Variants in SETX observed in about 807,000 individuals in gnomAD.
SETX encodes helicase senataxin.
SETX carries 90 observed loss-of-function variants against 227.2 expected under a neutral mutation model. The observed-to-expected ratio is 0.40, with a 90% CI of 0.33 to 0.47. The LOEUF is 0.47. SETX is among the 20% of genes least tolerant of loss of function. The pLI, the probability that SETX is intolerant of heterozygous loss-of-function variation, is 0.91. For synonymous variants in SETX, 1,210 were observed against 1,113.2 expected (o/e 1.09, Z -1.73); for missense variants, 3,052 against 3,181.5 (o/e 0.96, Z 0.98).
chr9:132,285,740 C>T (rs994765267), intron 18 of SETX, among the ~76,000 whole-genome samples: 5 of 150,380 alleles, frequency 3.3e-5, no homozygotes, highest in African/African-American at 7.5e-5. Flanking sequence ...TTTAGTCGGG[C>T]GTGGTGGCGC....
At position 132,326,835 on chromosome 9, in the gene SETX, G is replaced by A; in HGVS notation, c.4763C>T (p.Ala1588Val). ...VFRKPGLPPP[A>V]SKPLRPTTKI... Reference sequence around the variant, plus strand: ...AGTGGTAGGTCTCAAAGGTTTAGATGCAGGAGGAGGCAAGCCAGGTTTACG... The same window carrying A: ...AGTGGTAGGTCTCAAAGGTTTAGATACAGGAGGAGGCAAGCCAGGTTTACG... The change falls in exon 10 of 26, where the codon GCA (alanine) becomes GTA (valine). Residue 1588 changes from alanine to valine, a missense_variant. This residue lies in a region of SETX where 1,483 missense variants were observed against 1,312.0 expected (regional missense o/e 1.13). Transcript: ENST00000224140. 1 of 1,614,200 alleles carries A rather than the reference G, an allele frequency of 6.2e-7. No individual in the cohort carries two copies. Among genetic ancestry groups the A allele is most frequent in the Non-Finnish European group, 8.5e-7 (1 of 1,180,048 alleles).
intron 10 of SETX, among the ~76,000 whole-genome samples, chr9:132,317,898 T>C (rs1846085124): frequency 6.6e-6 from 1 of 152,230 alleles, no homozygotes; most frequent in Non-Finnish European, 1.5e-5. Flanking sequence ...ACTTATTCAG[T>C]TATATTCCCT....
chr9:132,288,775 T>C, intron 15 of SETX, 124 bp from the exon 16 acceptor site: 1 of 719,956 alleles, frequency 1.4e-6, no homozygotes, highest in Non-Finnish European at 2.4e-6. Flanking sequence ...AACATGAACT[T>C]CCAATTAACC....
chr9:132,349,782 G>C (rs953703415), intron 2 of SETX, among the ~76,000 whole-genome samples: 7 of 152,076 alleles, frequency 4.6e-5, no homozygotes, highest in African/African-American at 1.7e-4. Context: ...TTTTGGAATG[G>C]GGAAAAAAGT....
chr9:132,311,487 C>G (rs2131354269), intron 11 of SETX, among the ~76,000 whole-genome samples: 1 of 152,192 alleles, frequency 6.6e-6, no homozygotes, highest in Middle Eastern at 3.4e-3. Context: ...CCCACCAAAT[C>G]CCTCCACTCA....
chr9:132,292,624 CA>C (rs1844405424), intron 15 of SETX, among the ~76,000 whole-genome samples: 1 of 142,192 alleles, frequency 7.0e-6, no homozygotes. Flanking sequence ...GTTCCCAACT[CA>C]TTTTTTTTTT....
intron 7 of SETX, among the ~76,000 whole-genome samples, chr9:132,331,672 T>TACA (rs1847244798): frequency 1.4e-5 from 2 of 140,900 alleles, no homozygotes; most frequent in African/African-American, 5.2e-5. Flanking sequence ...GATACGTCTG[T>TACA]AAAAAAAAAA....
At position 132,328,170 on chromosome 9, in the gene SETX, C is replaced by A. The variant is rs1364862426; in HGVS notation, c.3428G>T (p.Arg1143Ile). 1.2e-6 allele frequency: 2 copies of A among 1,614,018 alleles called. No homozygotes were observed. The highest frequency in any genetic ancestry group is 1.6e-4 in the Middle Eastern group (1 of 6,084). The change falls in exon 10 of 26, where the codon AGA (arginine) becomes ATA (isoleucine). Residue 1143 changes from arginine to isoleucine, a missense_variant. Transcript: ENST00000224140. ...KGAEGIEEHT[R>I]PRSISVEEFC... ...TTCTTCAACAGAAATACTCCGTGGT[C>A]TTGTGTGTTCTTCAATGCCCTCTGC...
Position 132,264,100 on chromosome 9 carries a change from G to GTT in SETX, c.*138_*139insAA. On this transcript the variant is annotated 3_prime_UTR_variant, in exon 26 of 26. Transcript: ENST00000224140. ...ATACTGAAGATGACCAGAGGCTCAG[G>GTT]TGTTAAGGATGCATTTTCCATGTTT... 2 of 1,184,182 alleles carry GTT rather than the reference G, an allele frequency of 1.7e-6. No individual in the cohort carries two copies. The highest frequency in any genetic ancestry group is 2.5e-6 in the Non-Finnish European group (2 of 812,512). 73.4% of individuals were successfully genotyped at this position (1,184,182 alleles called of 1,614,324 possible).
intron 12 of SETX, among the ~76,000 whole-genome samples, chr9:132,300,130 CA>C (rs72582907): frequency 0.05 from 2,362 of 47,246 alleles, 11 homozygotes; most frequent in African/African-American, 0.087. Flanking sequence ...AACTCCGTCT[CA>C]AAAAAAAAAA....
At chr9:132,348,180 T>TA (rs1848397133) in intron 3 of SETX, among the ~76,000 whole-genome samples, 1 of 151,078 alleles carries the variant, frequency 6.6e-6, no homozygotes, top group South Asian at 2.1e-4. Context: ...GCCAACATGG[T>TA]AAAACCCCAT....
chr9:132,287,135 C>T (rs1401158889), intron 17 of SETX, among the ~76,000 whole-genome samples: 3 of 152,158 alleles, frequency 2.0e-5, no homozygotes, highest in Non-Finnish European at 4.4e-5. Flanking sequence ...CAACATGCAA[C>T]TGAAAGGCAA....
At chr9:132,308,323 C>T (rs10123768) in intron 11 of SETX, among the ~76,000 whole-genome samples, 38,049 of 152,014 alleles carry the variant, frequency 0.25, 6,061 homozygotes, top group East Asian at 0.67. Flanking sequence ...TATCAATATA[C>T]AGGAAACACA....
chr9:132,322,821 C>A (rs942752430), intron 10 of SETX, among the ~76,000 whole-genome samples: 2 of 118,878 alleles, frequency 1.7e-5, no homozygotes, highest in African/African-American at 6.5e-5. Flanking sequence ...AAGAGAAAAA[C>A]TTTTAGCTAA....
At chr9:132,352,330 A>G (rs1425501793) in intron 2 of SETX, among the ~76,000 whole-genome samples, 1 of 152,188 alleles carries the variant, frequency 6.6e-6, no homozygotes. Flanking sequence ...TATAAATGCT[A>G]AAGTTTTCGA....
In SETX at chr9:132,329,301, G is replaced by A. The variant is rs1847066406; in HGVS notation, c.2297C>T (p.Ser766Phe). The A allele has an allele frequency of 1.5e-5, 24 of 1,613,814 alleles. No homozygotes were observed. The highest frequency in any genetic ancestry group is 2.0e-5 in the Non-Finnish European group (24 of 1,179,888). ...EKVSTSNEDF[S>F]LKDDALAKTS... ...TTTAGCAAGAGCATCATCCTTTAAA[G>A]AGAAATCTTCATTCGATGTGGACAC... Residue 766 changes from serine (S) to phenylalanine (F), a missense_variant, in exon 10 of 26, where the codon TCT (serine) becomes TTT (phenylalanine). By Grantham distance (155) the Ser-to-Phe change is radical (BLOSUM62 -2). This residue lies in a region of SETX where 1,483 missense variants were observed against 1,312.0 expected (regional missense o/e 1.13). Transcript: ENST00000224140.
intron 11 of SETX, among the ~76,000 whole-genome samples, chr9:132,306,887 CTA>C (rs773716966): frequency 4.6e-5 from 7 of 152,212 alleles, no homozygotes; most frequent in Non-Finnish European, 8.8e-5. Context: ...AGCTCTTTAT[CTA>C]TTTTATTAGG....
At chr9:132,323,154 G>A (rs140670275) in intron 10 of SETX, among the ~76,000 whole-genome samples, 28 of 152,236 alleles carry the variant, frequency 1.8e-4, no homozygotes, top group African/African-American at 6.3e-4. Flanking sequence ...AAAGATGACG[G>A]GGGTGGAGGA....
At position 132,330,022 on chromosome 9, in the gene SETX, T is replaced by A. The variant is rs762013471; in HGVS notation, c.1576A>T (p.Met526Leu). Residue 526 changes from methionine (M) to leucine (L), a missense_variant, in exon 10 of 26, where the codon ATG (methionine) becomes TTG (leucine). Transcript: ENST00000224140. ...GCAAGTTGTACAGAGTTAGATGGCA[T>A]GGAATGCAATGACAGTGAAGATATC... ...AMISSLSLHSMPSNSVQLAYV... is the reference protein window; with the variant it reads ...AMISSLSLHSLPSNSVQLAYV... The A allele has an allele frequency of 6.2e-7, 1 of 1,614,232 alleles. No homozygotes were observed. The highest frequency in any genetic ancestry group is 1.7e-5 in the Admixed American group (1 of 60,034).
Sources: gnomAD v4.1 joint callset for allele counts (sites outside exome capture counted in the v4.1 genomes callset) on GRCh38, gnomAD v4.1.1 for gene constraint, gnomAD v4.1.1 regional missense constraint, MANE v1.5 for transcripts, NCBI Gene and HGNC (gene_info 2026-07-23, HGNC 2026-07-21) for gene names.